Variants in BAZ2B observed in about 807,000 individuals in gnomAD.
BAZ2B encodes bromodomain adjacent to zinc finger domain protein 2B.
In BAZ2B, 91 loss-of-function variants were observed where a neutral mutation model predicts 246.0. The ratio of observed to expected loss-of-function variants is 0.37; its 90% CI spans 0.31 to 0.44. BAZ2B has a LOEUF of 0.44. Ranked by LOEUF, BAZ2B falls within the 20% of genes least tolerant of loss-of-function variation. The pLI, the probability that BAZ2B is intolerant of heterozygous loss-of-function variation, is 1.00. For synonymous variants in BAZ2B, 855 were observed against 860.0 expected, an observed-to-expected ratio of 0.99 and a Z score of 0.10; for missense variants, 2,332 against 2,533.7, an observed-to-expected ratio of 0.92 and a Z score of 1.71.
intron 1 of BAZ2B, among the ~76,000 whole-genome samples, chr2:159,586,820 C>G (rs1167302050): frequency 6.6e-6 from 1 of 151,962 alleles, no homozygotes; most frequent in East Asian, 1.9e-4. Flanking sequence ...AACTCTAAAA[C>G]TAAAAAATAA....
intron 20 of BAZ2B, among the ~76,000 whole-genome samples, chr2:159,393,094 T>C (rs897038836): frequency 2.1e-5 from 3 of 143,640 alleles, no homozygotes; most frequent in South Asian, 2.3e-4. Context: ...AGACCGTTCA[T>C]TCAGGAATAA....
chr2:159,371,617 T>G (rs73967847), intron 27 of BAZ2B, among the ~76,000 whole-genome samples: 20,858 of 152,212 alleles, frequency 0.14, 2,162 homozygotes, highest in African/African-American at 0.3. Flanking sequence ...GCTGGGTTAC[T>G]GTAACGGTTC....
chr2:159,705,917 C>A, the BAZ2B span, among the ~76,000 whole-genome samples: 4 of 134,476 alleles, frequency 3.0e-5, no homozygotes, highest in Non-Finnish European at 6.8e-5. Flanking sequence ...ATATCTATTA[C>A]AAACCAAAAG....
chr2:159,397,287 GT>G (rs1254080508), intron 19 of BAZ2B, 57 bp downstream of exon 19: 2 of 1,362,814 alleles, frequency 1.5e-6, no homozygotes, highest in African/African-American at 3.0e-5. Context: ...CCCCAAATAG[GT>G]TTAAGCAATA....
chr2:159,422,861 C>CA (rs1559357830), intron 13 of BAZ2B, among the ~76,000 whole-genome samples: 1 of 151,890 alleles, frequency 6.6e-6, no homozygotes, highest in Non-Finnish European at 1.5e-5. Context: ...ATTCAACAAA[C>CA]AAAAAATAAC....
intron 2 of BAZ2B, among the ~76,000 whole-genome samples, chr2:159,544,624 A>C (rs1003724086): frequency 6.6e-6 from 1 of 152,216 alleles, no homozygotes; most frequent in Admixed American, 6.5e-5. Flanking sequence ...GCAATTTAAA[A>C]GAGAGGTCTG....
intron 33 of BAZ2B, among the ~76,000 whole-genome samples, chr2:159,336,238 A>C (rs574361765): frequency 2.0e-5 from 3 of 152,330 alleles, no homozygotes; most frequent in African/African-American, 7.2e-5. Context: ...GATAATATAA[A>C]AGAGGCAAGA....
At chr2:159,323,536 T>C (rs60296358) in intron 36 of BAZ2B, among the ~76,000 whole-genome samples, 90,603 of 151,648 alleles carry the variant, frequency 0.6, 28,539 homozygotes, top group East Asian at 0.95. Context: ...GGTGAGGTGG[T>C]TCACGCCTGT....
At chr2:159,329,730 T>C (rs2064384710) in intron 34 of BAZ2B, among the ~76,000 whole-genome samples, 1 of 152,186 alleles carries the variant, frequency 6.6e-6, no homozygotes, top group Admixed American at 6.5e-5. Context: ...GTAAGAAATA[T>C]CTAGTTCACT....
chr2:159,543,315 T>C (rs967571544), intron 2 of BAZ2B, among the ~76,000 whole-genome samples: 4 of 152,178 alleles, frequency 2.6e-5, no homozygotes, highest in Non-Finnish European at 5.9e-5. Flanking sequence ...TAAAAATTTA[T>C]TTTAGGTATG....
intron 2 of BAZ2B, among the ~76,000 whole-genome samples, chr2:159,496,705 C>T (rs1373867512): frequency 7.0e-6 from 1 of 143,246 alleles, no homozygotes; most frequent in East Asian, 2.1e-4. Flanking sequence ...ATCGCTTGAA[C>T]CTGGGAGGTG....
chr2:159,505,877 G>A (rs545487366), intron 2 of BAZ2B, among the ~76,000 whole-genome samples: 2 of 152,242 alleles, frequency 1.3e-5, no homozygotes, highest in African/African-American at 4.8e-5. Flanking sequence ...AAAATAATTG[G>A]CTTTACTGCT....
intron 2 of BAZ2B, among the ~76,000 whole-genome samples, chr2:159,483,700 G>C (rs922490640): frequency 1.8e-4 from 27 of 152,054 alleles, no homozygotes; most frequent in African/African-American, 5.8e-4. Context: ...AGAATTGCTG[G>C]AACTCAAGAG....
intron 2 of BAZ2B, among the ~76,000 whole-genome samples, chr2:159,524,337 C>T (rs765667267): frequency 7.9e-5 from 12 of 152,014 alleles, no homozygotes; most frequent in Non-Finnish European, 1.3e-4. Context: ...CGCCTGTTGT[C>T]GCAGCTACTC....
At chr2:159,429,155 A>G (rs1249904825) in intron 11 of BAZ2B, 45 bp downstream of exon 11, 4 of 1,336,422 alleles carry the variant, frequency 3.0e-6, no homozygotes, top group Admixed American at 4.3e-5. Flanking sequence ...AAACTTGCAT[A>G]AATATATGGG....
chr2:159,455,005 A>G (rs763288335), intron 3 of BAZ2B, among the ~76,000 whole-genome samples: 7 of 152,118 alleles, frequency 4.6e-5, no homozygotes, highest in Non-Finnish European at 1.0e-4. Context: ...TAATTAAGGT[A>G]CCCTGTCTTG....
the BAZ2B span, among the ~76,000 whole-genome samples, chr2:159,666,939 G>C: frequency 5.9e-5 from 9 of 151,934 alleles, 1 homozygote; most frequent in Non-Finnish European, 1.0e-4. Context: ...GGGGTGGGGG[G>C]CAAGGGGAAG....
chr2:159,395,978 A>G (rs1417154452), intron 19 of BAZ2B, 144 bp from the exon 20 acceptor site: 1 of 649,418 alleles, frequency 1.5e-6, no homozygotes, highest in Non-Finnish European at 2.5e-6. Flanking sequence ...AATACTAAAT[A>G]TAAGACAAGA....
At chr2:159,530,966 A>AAAACAAAC (rs143825565) in intron 2 of BAZ2B, among the ~76,000 whole-genome samples, 2 of 151,692 alleles carry the variant, frequency 1.3e-5, no homozygotes, top group Non-Finnish European at 2.9e-5. Flanking sequence ...ACTCCGTCTC[A>AAAACAAAC]AAACAAACAA....
Sources: gnomAD v4.1 joint callset for allele counts (sites outside exome capture counted in the v4.1 genomes callset) on GRCh38, gnomAD v4.1.1 for gene constraint, MANE v1.5 for transcripts, NCBI Gene and HGNC (gene_info 2026-07-23, HGNC 2026-07-21) for gene names.